The following SCAF1 variants were observed in gnomAD, a reference collection of about 807,000 sequenced individuals.
SCAF1 encodes splicing factor, arginine/serine-rich 19.
A neutral mutation model predicts 91.2 loss-of-function variants in SCAF1; 28 were observed. The ratio of observed to expected loss-of-function variants is 0.31; its 90% CI spans 0.23 to 0.42. The LOEUF (loss-of-function observed/expected upper bound fraction) is 0.42. Among genes scored for constraint, SCAF1 ranks in the 10% least tolerant of loss-of-function variants. SCAF1 has a pLI of 1.00. For missense variants in SCAF1, 1,893 were observed against 1,872.1 expected (o/e 1.01, Z -0.21); for synonymous variants, 1,036 against 833.7 (o/e 1.24, Z -4.18).
In SCAF1 at chr19:49,653,146, G is replaced by A. The variant is rs760431154; in HGVS notation, c.2757G>A (p.Lys919=). The A allele has an allele frequency of 1.2e-6, 2 of 1,608,488 alleles. No homozygotes were observed. Among genetic ancestry groups the A allele is most frequent in the Non-Finnish European group, 1.7e-6 (2 of 1,177,582 alleles). Residue 919 remains lysine (K), a synonymous_variant, in exon 7 of 11, where the codon AAG becomes AAA. Transcript: ENST00000360565. The part of the protein sequence containing the change: ...KKTKGTKGKT[K]PSKTRKKVRS... Reference sequence around the variant, plus strand: ...CCAAGGGGACCAAGGGAAAGACCAAGCCATCCAAGACCAGGAAAAAGGTCC... The same window carrying A: ...CCAAGGGGACCAAGGGAAAGACCAAACCATCCAAGACCAGGAAAAAGGTCC...
rs774897588 is a variant in SCAF1 at position 49,651,058 on chromosome 19, C to G, written c.669C>G (p.Pro223=). ...CTGCACCCCCAGCCCCACCTGCCCCCCGATTCGATATCTATGACCCCTTCC... is the reference window on the plus strand; with the variant it reads ...CTGCACCCCCAGCCCCACCTGCCCCGCGATTCGATATCTATGACCCCTTCC... The part of the protein sequence containing the change: ...PPPAPPAPPA[P]RFDIYDPFHP... Residue 223 remains proline (P), a synonymous_variant, in exon 7 of 11, where the codon CCC becomes CCG. Transcript: ENST00000360565. The G allele has an allele frequency of 5.3e-6, 8 of 1,502,442 alleles. No individual in the cohort carries two copies. In the Admixed American group the frequency reaches 1.0e-4, roughly 20 times the overall value. 93.1% of individuals were successfully genotyped at this position (1,502,442 alleles called of 1,614,324 possible).
Position 49,646,412 on chromosome 19 carries a change from T to G in SCAF1, c.262-114T>G. Reference sequence around the variant, plus strand: ...CAGGCTATAGGAATTAGATCCTCAGTTTTCTTGGGGATCTTAGATGTCTGG... The same window carrying G: ...CAGGCTATAGGAATTAGATCCTCAGGTTTCTTGGGGATCTTAGATGTCTGG... On this transcript the variant is annotated intron_variant, in intron 4 of 10. Coordinates refer to ENST00000360565, the MANE Select transcript of SCAF1 (RefSeq NM_021228.3). This position sits in a 1 kb window ranked among gnomAD's most constrained non-coding sequence, Gnocchi z 5.6. 1 of 1,010,410 alleles carries G rather than the reference T, an allele frequency of 9.9e-7. No homozygotes were observed. Among genetic ancestry groups the G allele is most frequent in the Admixed American group, 1.9e-5 (1 of 53,160 alleles). 62.6% of individuals were successfully genotyped at this position (1,010,410 alleles called of 1,614,324 possible).
rs1250066002 is a variant in SCAF1, at chr19:49,651,059, C to A, written c.670C>A (p.Arg224=). 2.4e-5 allele frequency: 36 copies of A among 1,504,896 alleles called. No individual in the cohort carries two copies. In the Middle Eastern group the frequency reaches 1.1e-3, roughly 45 times the overall value. 93.2% of individuals were successfully genotyped at this position (1,504,896 alleles called of 1,614,324 possible). A position where few individuals can be genotyped will look rare whatever the true frequency, so the allele number is the denominator to read the frequency against. ...PPAPPAPPAP[R]FDIYDPFHPT... ...TGCACCCCCAGCCCCACCTGCCCCC[C>A]GATTCGATATCTATGACCCCTTCCA... Residue 224 remains arginine (R), a synonymous_variant, in exon 7 of 11, where the codon CGA becomes AGA. Transcript: ENST00000360565.
In SCAF1 at chr19:49,646,007, G is replaced by C; in HGVS notation, c.167-101G>C. Reference sequence around the variant, plus strand: ...GGCCTGGAGAGCATGCGGGAGGCTGGTTCCGCTGTCAGGAACTAGATCAAG... The same window carrying C: ...GGCCTGGAGAGCATGCGGGAGGCTGCTTCCGCTGTCAGGAACTAGATCAAG... On this transcript the variant is annotated intron_variant, in intron 3 of 10. Transcript: ENST00000360565. This position sits in a 1 kb window ranked among gnomAD's most constrained non-coding sequence, Gnocchi z 5.6. 1 of 1,105,966 alleles carries C rather than the reference G, an allele frequency of 9.0e-7. No homozygotes were observed. Among genetic ancestry groups the C allele is most frequent in the South Asian group, 1.3e-5 (1 of 78,530 alleles). The allele number at this position is 1,105,966 out of a possible 1,614,324, so 68.5% of individuals were successfully genotyped here.
Position 49,642,359 on chromosome 19 carries a change from T to G in SCAF1, c.-7+117T>G, listed in dbSNP as rs941101718. On this transcript the variant is annotated intron_variant, in intron 1 of 10. Transcript: ENST00000360565. This position sits in a 1 kb window ranked among gnomAD's most constrained non-coding sequence, Gnocchi z 4.0. ...CCACAAGCCACGGGTCCTAGAGGGCTTCTCGGGGCGGTCTCGGGCCCGGCA... is the reference window on the plus strand; with the variant it reads ...CCACAAGCCACGGGTCCTAGAGGGCGTCTCGGGGCGGTCTCGGGCCCGGCA... 6.6e-6 allele frequency: 1 copy of G among 152,144 alleles called. No individual in the cohort carries two copies. The highest frequency in any genetic ancestry group is 1.5e-5 in the Non-Finnish European group (1 of 68,066). The allele number at this position is 152,144 out of a possible 1,614,324, so 9.4% of individuals were successfully genotyped here.
chr19:49,647,190 C>T (rs751529382), intron 6 of SCAF1, among the ~76,000 whole-genome samples: 3 of 152,238 alleles, frequency 2.0e-5, no homozygotes, highest in Non-Finnish European at 4.4e-5. Flanking sequence ...GCCAGATGCT[C>T]CGTGGGGTGC....
In SCAF1 at chr19:49,651,599, A is replaced by G; in HGVS notation, c.1210A>G (p.Arg404Gly). Reference sequence around the variant, plus strand: ...GATCGTCCAGCCGGAGGAGGAGCCCAGGCTGGCGCTGTCCCTCTTCCGCCC... The same window carrying G: ...GATCGTCCAGCCGGAGGAGGAGCCCGGGCTGGCGCTGTCCCTCTTCCGCCC... Reference protein sequence around the residue: ...GEIVQPEEEPRLALSLFRPGG... With the variant: ...GEIVQPEEEPGLALSLFRPGG... The change falls in exon 7 of 11, where the codon AGG becomes GGG. Residue 404 changes from arginine (R) to glycine (G), a missense_variant. Physicochemically the swap from Arg to Gly is moderately radical, Grantham distance 125. This residue lies in a region of SCAF1 where 1,436 missense variants were observed against 1,306.8 expected (regional missense o/e 1.10). Coordinates refer to ENST00000360565, the MANE Select transcript of SCAF1 (RefSeq NM_021228.3). 1 of 1,525,770 alleles carries G rather than the reference A, an allele frequency of 6.6e-7. No individual in the cohort carries two copies. The highest frequency in any genetic ancestry group is 8.8e-7 in the Non-Finnish European group (1 of 1,137,178). 94.5% of individuals were successfully genotyped at this position (1,525,770 alleles called of 1,614,324 possible).
Position 49,652,673 on chromosome 19 carries a change from T to G in SCAF1, c.2284T>G (p.Ser762Ala). Residue 762 changes from serine to alanine, a missense_variant, in exon 7 of 11, where the codon TCT becomes GCT. Physicochemically the swap from Ser to Ala is moderately conservative, Grantham distance 99 (BLOSUM62 1). This residue lies in a region of SCAF1 where 1,436 missense variants were observed against 1,306.8 expected (regional missense o/e 1.10). Coordinates refer to ENST00000360565, the MANE Select transcript of SCAF1 (RefSeq NM_021228.3). ...RRSGAASSSS[S>A]SREKGSRRKA... Reference sequence around the variant, plus strand: ...CTCGGGGGCCGCCTCCTCCTCCTCCTCTTCCCGGGAGAAGGGGTCTCGTCG... The same window carrying G: ...CTCGGGGGCCGCCTCCTCCTCCTCCGCTTCCCGGGAGAAGGGGTCTCGTCG... 6.4e-7 allele frequency: 1 copy of G among 1,565,116 alleles called. No homozygotes were observed. Among genetic ancestry groups the G allele is most frequent in the Non-Finnish European group, 8.7e-7 (1 of 1,155,012 alleles).
chr19:49,652,637 G>C lies in SCAF1; in HGVS notation c.2248G>C (p.Asp750His). ...GCGGGGCGGCAAGAGCAGCCAGAAG[G>C]ATCGGCGCCGCTCGGGGGCCGCCTC... ...EERGGKSSQK[D>H]RRRSGAASSS... Residue 750 changes from aspartate to histidine, a missense_variant, in exon 7 of 11, where the codon GAT (aspartate) becomes CAT (histidine). Asp to His is a moderately conservative substitution (Grantham distance 81). Coordinates refer to ENST00000360565, the MANE Select transcript of SCAF1 (RefSeq NM_021228.3). The C allele has an allele frequency of 6.4e-7, 1 of 1,560,622 alleles. No individual in the cohort carries two copies. The highest frequency in any genetic ancestry group is 8.7e-7 in the Non-Finnish European group (1 of 1,152,472).
rs1336888745 is a variant in SCAF1, at chr19:49,651,751, C to T, written c.1362C>T (p.Asp454=). The change falls in exon 7 of 11, where the codon GAC becomes GAT. Residue 454 remains aspartate (D), a synonymous_variant. Coordinates refer to ENST00000360565, the MANE Select transcript of SCAF1 (RefSeq NM_021228.3). ...TCTTGTCCCTGCATGCGGAGTCGGA[C>T]GGCGAGGGCGCCCTGCAGGTGGACC... ...DDFLSLHAES[D]GEGALQVDLG... 2.2e-5 allele frequency: 29 copies of T among 1,325,722 alleles called. No individual in the cohort carries two copies. In the African/African-American group the frequency reaches 2.4e-4, roughly 11 times the overall value. The allele number at this position is 1,325,722 out of a possible 1,614,324, so 82.1% of individuals were successfully genotyped here.
At chr19:49,654,270 A>G (rs962988622) in intron 7 of SCAF1, 79 bp from the exon 8 acceptor site, 6 of 1,192,382 alleles carry the variant, frequency 5.0e-6, no homozygotes, top group Non-Finnish European at 7.3e-6. Context: ...AGATGACAGC[A>G]GGTGTCCAGG....
chr19:49,652,110 CCCGCT>C lies in SCAF1; in HGVS notation c.1724_1728del (p.Arg575ProfsTer76). 1 of 426,358 alleles carries C rather than the reference CCCGCT, an allele frequency of 2.3e-6. No homozygotes were observed. Among genetic ancestry groups the C allele is most frequent in the Non-Finnish European group, 2.7e-6 (1 of 372,864 alleles). The allele number at this position is 426,358 out of a possible 1,614,324, so 26.4% of individuals were successfully genotyped here. A position where few individuals can be genotyped will look rare whatever the true frequency, so the allele number is the denominator to read the frequency against. Reference sequence around the variant, plus strand: ...GCCTCGTCGTCCGCCCGCCGCCGCTCCCGCTCCCGCTCCCGCTCCCGCTCCACCCG... The same window carrying C: ...GCCTCGTCGTCCGCCCGCCGCCGCTCCCCGCTCCCGCTCCCGCTCCACCCG... On this transcript the variant is annotated frameshift_variant, in exon 7 of 11. Transcript: ENST00000360565. LOFTEE classifies it high-confidence loss of function.
chr19:49,655,698 T>G (rs2081134845), intron 9 of SCAF1, among the ~76,000 whole-genome samples: 1 of 152,002 alleles, frequency 6.6e-6, no homozygotes, highest in Non-Finnish European at 1.5e-5. Context: ...AGGGTCTCGC[T>G]TTGTCACCCA....
intron 9 of SCAF1, among the ~76,000 whole-genome samples, chr19:49,657,202 C>T (rs1021624736): frequency 6.6e-6 from 1 of 152,172 alleles, no homozygotes; most frequent in Admixed American, 6.5e-5. Flanking sequence ...GGCTGAGCAT[C>T]CCAGGGGTCA....
In SCAF1 at chr19:49,657,508, G is replaced by A. The variant is rs535937977; in HGVS notation, c.3619-253G>A. On this transcript the variant is annotated intron_variant, in intron 9 of 10. Coordinates refer to ENST00000360565, the MANE Select transcript of SCAF1 (RefSeq NM_021228.3). ...CAGGCGACACACATGTCCTGGTCCC[G>A]GCCAGGCCTGGAGCAGCCCAGGGTT... Among the ~76,000 whole-genome samples, 8 of 152,332 alleles carry A rather than the reference G, an allele frequency of 5.3e-5. No homozygotes were observed. In the East Asian group the frequency reaches 9.6e-4, roughly 18 times the overall value.
At chr19:49,658,177 G>C (rs2081157735) in intron 10 of SCAF1, 31 bp from the exon 11 acceptor site, 3 of 1,598,272 alleles carry the variant, frequency 1.9e-6, no homozygotes, top group Non-Finnish European at 2.6e-6. Flanking sequence ...CGGGAGCCTG[G>C]TGGTGACTCC....
chr19:49,646,903 T>C lies in SCAF1; in HGVS notation c.478+73T>C. The C allele has an allele frequency of 9.1e-7, 1 of 1,100,274 alleles. No individual in the cohort carries two copies. Among genetic ancestry groups the C allele is most frequent in the Non-Finnish European group, 1.3e-6 (1 of 764,538 alleles). The allele number at this position is 1,100,274 out of a possible 1,614,324, so 68.2% of individuals were successfully genotyped here. On this transcript the variant is annotated intron_variant, in intron 6 of 10. Transcript: ENST00000360565. This position sits in a 1 kb window ranked among gnomAD's most constrained non-coding sequence, Gnocchi z 5.6. The stretch of plus-strand genomic sequence containing the variant: ...GGGGATCGGCTGTTTTTGGTAGTGA[T>C]GGTAGCGGTGATCATGTTATTTAGA...
In SCAF1 at chr19:49,645,340, C is replaced by A. The variant is rs752255986; in HGVS notation, c.109-14C>A. 1.9e-6 allele frequency: 3 copies of A among 1,613,338 alleles called. No homozygotes were observed. The highest frequency in any genetic ancestry group is 2.5e-6 in the Non-Finnish European group (3 of 1,179,534). The stretch of plus-strand genomic sequence containing the variant: ...CTGGGTCCTCTGACGCTTGGTTCTT[C>A]CCCCCTTCCCCAGCGAGCCATCCAG... On this transcript the variant is annotated splice_polypyrimidine_tract_variant and intron_variant, in intron 2 of 10. Coordinates refer to ENST00000360565, the MANE Select transcript of SCAF1 (RefSeq NM_021228.3). This position sits in a 1 kb window ranked among gnomAD's most constrained non-coding sequence, Gnocchi z 4.6.
Position 49,657,841 on chromosome 19 carries a change from C to T in SCAF1, c.3699C>T (p.Asp1233=). ...LAIKPYYQKK[D]ITKEEYKDIL... ...TCAAGCCATACTATCAGAAGAAGGA[C>T]ATCACCAAGGAGGAGTACAAGGACA... The change falls in exon 10 of 11, where the codon GAC becomes GAT. Residue 1233 remains aspartate (D), a synonymous_variant. Coordinates refer to ENST00000360565, the MANE Select transcript of SCAF1 (RefSeq NM_021228.3). The T allele has an allele frequency of 6.2e-7, 1 of 1,611,282 alleles. No individual in the cohort carries two copies. Among genetic ancestry groups the T allele is most frequent in the Non-Finnish European group, 8.5e-7 (1 of 1,178,686 alleles).
Sources: allele counts gnomAD v4.1 joint callset (sites outside exome capture counted in the v4.1 genomes callset), GRCh38; gene constraint gnomAD v4.1.1; regional missense constraint gnomAD v4.1.1; non-coding constraint Gnocchi (gnomAD v3.1); transcripts MANE v1.5; gene names NCBI Gene and HGNC (gene_info 2026-07-23, HGNC 2026-07-21).